TASOR2: variants seen among roughly 807,000 people sequenced by gnomAD.
TASOR2 encodes protein TASOR 2.
A neutral mutation model predicts 199.5 loss-of-function variants in TASOR2; 84 were observed. That is an observed-to-expected ratio of 0.42 (90% CI 0.35 to 0.50). The LOEUF (loss-of-function observed/expected upper bound fraction) is 0.50, where lower values mean the gene tolerates loss of function less well. TASOR2 is among the 20% of genes least tolerant of loss of function. The probability of loss-of-function intolerance (pLI) is 0.02; values close to 1 mark genes in which losing one functional copy is unlikely to be tolerated. For missense variants in TASOR2, 2,796 were observed against 2,835.9 expected (o/e 0.99, Z 0.32); for synonymous variants, 1,103 against 1,046.6 (o/e 1.05, Z -1.04).
At chr10:5,716,812 G>A (rs1283948169) in intron 2 of TASOR2, among the ~76,000 whole-genome samples, 1 of 151,832 alleles carries the variant, frequency 6.6e-6, no homozygotes, top group African/African-American at 2.4e-5. Flanking sequence ...CTACTCAGGT[G>A]GCCAAGACTC....
chr10:5,685,059 C>G lies in TASOR2; in HGVS notation c.-404C>G, dbSNP rs1835651933. ...CGCGGAGCCGGCGACTGGTGCTTCC[C>G]ACGTGCGCCGGTGTCGCGAGGGCCC... On this transcript the variant is annotated 5_prime_UTR_variant, in exon 1 of 21. Transcript: ENST00000328090. The surrounding 1 kb of genome is among the most constrained non-coding windows in gnomAD (Gnocchi z 5.4). 2.5e-6 allele frequency: 1 copy of G among 397,960 alleles called. No homozygotes were observed. Among genetic ancestry groups the G allele is most frequent in the South Asian group, 1.3e-4 (1 of 7,868 alleles). The allele number at this position is 397,960 out of a possible 1,614,324, so 24.7% of individuals were successfully genotyped here.
In TASOR2 at chr10:5,737,679, T is replaced by C. The variant is rs1483182585; in HGVS notation, c.1448-1939T>C. ...ATTCTATAATTTAATTCATACTGTT[T>C]TCAATTCATCTGACATGTCTTGGTC... is the stretch of plus-strand genomic sequence containing the variant. On this transcript the variant is annotated intron_variant, in intron 12 of 20. Coordinates refer to ENST00000328090, the Ensembl canonical transcript of TASOR2. The surrounding 1 kb of genome is among the most constrained non-coding windows in gnomAD (Gnocchi z 4.9). Among the ~76,000 whole-genome samples the C allele has an allele frequency of 6.6e-6, 1 of 152,228 alleles. No individual in the cohort carries two copies. The highest frequency in any genetic ancestry group is 1.5e-5 in the Non-Finnish European group (1 of 68,038).
intron 10 of TASOR2, among the ~76,000 whole-genome samples, chr10:5,727,834 A>G (rs1043819071): frequency 3.9e-5 from 6 of 152,176 alleles, no homozygotes; most frequent in African/African-American, 1.4e-4. Flanking sequence ...TTGTATAATT[A>G]TTTAATGCCT....
chr10:5,748,126 T>C lies in TASOR2; in HGVS notation c.4705T>C (p.Leu1569=), dbSNP rs777930413. 2.2e-5 allele frequency: 35 copies of C among 1,614,144 alleles called. No individual in the cohort carries two copies. The Admixed American group carries it at 2.7e-4, about 12-fold the overall frequency. Residue 1569 remains leucine, a synonymous_variant, in exon 15 of 21, where the codon TTG becomes CTG. Coordinates refer to ENST00000328090, the Ensembl canonical transcript of TASOR2. The surrounding 1 kb of genome is among the most constrained non-coding windows in gnomAD (Gnocchi z 5.1). ...AAATTTGGACTTAAAACATCTTGTC[T>C]TGGAGTCCAGTGAACCTCCATTTGG...
chr10:5,725,231 G>A (rs1161270863), intron 8 of TASOR2, among the ~76,000 whole-genome samples: 1 of 151,616 alleles, frequency 6.6e-6, no homozygotes, highest in Non-Finnish European at 1.5e-5. Context: ...AACCCTGTCT[G>A]TACTAAAAAA....
At position 5,685,493 on chromosome 10, in the gene TASOR2, T is replaced by G. The variant is rs1835709236; in HGVS notation, c.-288+318T>G. Among the ~76,000 whole-genome samples, 1 of 152,302 alleles carries G rather than the reference T, an allele frequency of 6.6e-6. No individual in the cohort carries two copies. Among genetic ancestry groups the G allele is most frequent in the Admixed American group, 6.5e-5 (1 of 15,298 alleles). On this transcript the variant is annotated intron_variant, in intron 1 of 20. Coordinates refer to ENST00000328090, the Ensembl canonical transcript of TASOR2. This position sits in a 1 kb window ranked among gnomAD's most constrained non-coding sequence, Gnocchi z 5.4. ...AGCTGCGTCCTCAGGGATATGCTGA[T>G]AAGTTCTTGGCTGAAGTTTCCGTCT...
intron 15 of TASOR2, among the ~76,000 whole-genome samples, chr10:5,755,903 G>A (rs1193866389): frequency 6.6e-6 from 1 of 151,798 alleles, no homozygotes; most frequent in Non-Finnish European, 1.5e-5. Context: ...GAGGTAGGAG[G>A]ATTGCTTGAG....
intron 1 of TASOR2, among the ~76,000 whole-genome samples, chr10:5,711,706 A>G (rs1053932966): frequency 7.2e-5 from 11 of 152,160 alleles, no homozygotes; most frequent in African/African-American, 2.4e-4. Flanking sequence ...GGAAGGGTGT[A>G]TCACAGTCCC....
chr10:5,755,294 G>GCCCT (rs1226292723), intron 15 of TASOR2, among the ~76,000 whole-genome samples: 2 of 151,566 alleles, frequency 1.3e-5, no homozygotes, highest in Non-Finnish European at 2.9e-5. Flanking sequence ...ATCCAAGGGA[G>GCCCT]CCACACAGTG....
At chr10:5,739,766 G>T (rs964062235) in exon 13 of TASOR2, 18 of 1,614,110 alleles carry the variant, frequency 1.1e-5, no homozygotes, top group Non-Finnish European at 1.4e-5. Flanking sequence ...ATGACTCCCA[G>T]GCCCTAAATA....
chr10:5,732,539 A>G (rs939161098), intron 11 of TASOR2, among the ~76,000 whole-genome samples: 1 of 152,216 alleles, frequency 6.6e-6, no homozygotes, highest in Non-Finnish European at 1.5e-5. Context: ...AGTTTACCCT[A>G]TGGAGTTTTT....
rs754212254 is a variant in TASOR2 at position 5,746,138 on chromosome 10, A to C, written c.2758-41A>C. On this transcript the variant is annotated intron_variant, in intron 14 of 20. Coordinates refer to ENST00000328090, the Ensembl canonical transcript of TASOR2. ...CATATAATCGTATAAAAAACATTTT[A>C]TATGACTGATTTTTTTTTTTTTTTA... is the stretch of plus-strand genomic sequence containing the variant. The C allele has an allele frequency of 1.3e-5, 19 of 1,468,622 alleles. 1 individual carries two copies. In the South Asian group the frequency reaches 2.6e-4, roughly 20 times the overall value. The allele number at this position is 1,468,622 out of a possible 1,614,324, so 91.0% of individuals were successfully genotyped here.
At chr10:5,741,730 G>C (rs1412720612) in intron 13 of TASOR2, among the ~76,000 whole-genome samples, 1 of 152,218 alleles carries the variant, frequency 6.6e-6, no homozygotes, top group East Asian at 1.9e-4. Flanking sequence ...AAAGCATGGT[G>C]ATGAGGATTT....
At chr10:5,692,778 C>A (rs1418761398) in intron 1 of TASOR2, 2 of 152,176 alleles carry the variant, frequency 1.3e-5, no homozygotes, top group Non-Finnish European at 2.9e-5. Flanking sequence ...TCAAAAGGCG[C>A]CGCCGGCCCC....
At chr10:5,729,339 C>CTG (rs1834485690) in intron 10 of TASOR2, among the ~76,000 whole-genome samples, 1 of 76 alleles carries the variant, frequency 0.013, no homozygotes, top group Non-Finnish European at 0.038. Flanking sequence ...CAGAGCAAGA[C>CTG]TGAGTTAAAA....
rs963530461 is a variant in TASOR2, at chr10:5,708,659, T to C, written c.-287-4164T>C. On this transcript the variant is annotated intron_variant, in intron 1 of 20. Coordinates refer to ENST00000328090, the Ensembl canonical transcript of TASOR2. Reference sequence around the variant, plus strand: ...CCCTTCCTTCCTTCCTTCCTTCCTTTCCTTCCTTTCTTCCTTCCTTCCTTT... The same window carrying C: ...CCCTTCCTTCCTTCCTTCCTTCCTTCCCTTCCTTTCTTCCTTCCTTCCTTT... 3.5e-5 allele frequency among the ~76,000 whole-genome samples: 4 copies of C among 115,924 alleles called. No individual in the cohort carries two copies. The Admixed American group carries it at 3.6e-4, about 10-fold the overall frequency. 76.1% of individuals were successfully genotyped at this position (115,924 alleles called of 152,430 possible).
At chr10:5,762,010 C>T (rs1449873271) in intron 19 of TASOR2, among the ~76,000 whole-genome samples, 1 of 152,134 alleles carries the variant, frequency 6.6e-6, no homozygotes, top group African/African-American at 2.4e-5. Flanking sequence ...GGGACAGTGG[C>T]TCACGCCTGT....
At chr10:5,726,751 A>G (rs1834101664) in intron 8 of TASOR2, 134 bp from the exon 10 acceptor site, 1 of 706,414 alleles carries the variant, frequency 1.4e-6, no homozygotes, top group Non-Finnish European at 2.4e-6. Context: ...TGGGGACAGA[A>G]TTACCCTGAT....
exon 12 of TASOR2, chr10:5,735,405 A>G: frequency 6.2e-7 from 1 of 1,614,160 alleles, no homozygotes. Flanking sequence ...AACAAATGCT[A>G]AAAGGGCAAG....
Sources: allele counts gnomAD v4.1 joint callset (sites outside exome capture counted in the v4.1 genomes callset), GRCh38; gene constraint gnomAD v4.1.1; non-coding constraint Gnocchi (gnomAD v3.1); transcripts MANE v1.5; gene names NCBI Gene and HGNC (gene_info 2026-07-23, HGNC 2026-07-21).